The following ZFYVE1 variants were observed in gnomAD, a reference collection of about 807,000 sequenced individuals.
ZFYVE1 encodes zinc finger FYVE domain-containing protein 1.
ZFYVE1 carries 30 observed loss-of-function variants against 74.4 expected under a neutral mutation model. The observed-to-expected ratio is 0.40, with a 90% confidence interval of 0.30 to 0.55. The LOEUF is 0.55. Among genes scored for constraint, ZFYVE1 ranks in the 20% least tolerant of loss-of-function variants. The pLI, the probability that ZFYVE1 is intolerant of heterozygous loss-of-function variation, is 0.42. For synonymous variants in ZFYVE1, 335 were observed against 385.1 expected, an observed-to-expected ratio of 0.87 and a Z score of 1.52; for missense variants, 703 against 1,011.6, an observed-to-expected ratio of 0.69 and a Z score of 4.14.
chr14:72,977,080 T>G (rs1474838166), intron 8 of ZFYVE1, among the ~76,000 whole-genome samples: 3 of 152,218 alleles, frequency 2.0e-5, no homozygotes, highest in Non-Finnish European at 4.4e-5. Flanking sequence ...ACAAACAGAT[T>G]TGTATTTCTG....
chr14:73,020,469 C>CA (rs1186373318), intron 2 of ZFYVE1, among the ~76,000 whole-genome samples: 103 of 152,252 alleles, frequency 6.8e-4, no homozygotes, highest in South Asian at 1.2e-3. Context: ...TCTCCTGCCT[C>CA]AGCCTCCTGA....
At chr14:73,003,054 C>CTTTTTTT (rs201185010) in intron 2 of ZFYVE1, among the ~76,000 whole-genome samples, 203 of 102,866 alleles carry the variant, frequency 2.0e-3, no homozygotes, top group Non-Finnish European at 2.4e-3. Flanking sequence ...TTTTTCTTTT[C>CTTTTTTT]TTTTTTTTTT....
intron 2 of ZFYVE1, among the ~76,000 whole-genome samples, chr14:73,023,168 ATATAT>A (rs1214897053): frequency 0.012 from 1,482 of 121,798 alleles, 153 homozygotes; most frequent in African/African-American, 0.035. Flanking sequence ...CTCAAAAAAT[ATATAT>A]ATATATATAT....
At chr14:73,023,936 A>T in intron 2 of ZFYVE1, 90 bp downstream of exon 2, 1 of 1,511,686 alleles carries the variant, frequency 6.6e-7, no homozygotes, top group East Asian at 2.3e-5. Context: ...TTAAAATGTG[A>T]TCTCTTCTTG....
chr14:73,020,552 C>A (rs144030107), intron 2 of ZFYVE1, among the ~76,000 whole-genome samples: 3,174 of 152,224 alleles, frequency 0.021, 95 homozygotes, highest in African/African-American at 0.07. Context: ...TGGAGTTTCA[C>A]CATGTTGGCC....
chr14:73,015,655 A>AT (rs1894187958), intron 2 of ZFYVE1, among the ~76,000 whole-genome samples: 1 of 152,152 alleles, frequency 6.6e-6, no homozygotes, highest in South Asian at 2.1e-4. Context: ...AAGCGCTGGG[A>AT]TTACAGGCGT....
At chr14:72,972,087 T>G (rs1024649046) in intron 11 of ZFYVE1, among the ~76,000 whole-genome samples, 16 of 151,950 alleles carry the variant, frequency 1.1e-4, no homozygotes, top group African/African-American at 3.9e-4. Context: ...CCGGGCGTGG[T>G]GGTATAACCC....
intron 2 of ZFYVE1, among the ~76,000 whole-genome samples, chr14:73,023,185 T>TGTTTTATATATA (rs1894355954): frequency 7.2e-6 from 1 of 138,274 alleles, no homozygotes; most frequent in African/African-American, 2.7e-5. Flanking sequence ...TATATATATA[T>TGTTTTATATATA]ATATATATTT....
chr14:72,993,009 C>T (rs1051956481), intron 4 of ZFYVE1, 134 bp downstream of exon 4: 18 of 823,126 alleles, frequency 2.2e-5, no homozygotes, highest in Non-Finnish European at 3.3e-5. Context: ...GGACTCCATT[C>T]ATGTGCTTCC....
At chr14:72,981,932 GTAGAGAGCTCCGCAC>G (rs72359146) in intron 4 of ZFYVE1, 37 bp from the exon 5 acceptor site, 39,695 of 1,597,140 alleles carry the variant, frequency 0.025, 611 homozygotes, top group Non-Finnish European at 0.027. Context: ...ATGGCACTCA[GTAGAGAGCTCCGCAC>G]TTTGGCCCCC....
In ZFYVE1 at chr14:72,975,960, GA is replaced by G. The variant is rs1424540509; in HGVS notation, c.1636-240del. 2.2e-6 allele frequency: 1 copy of G among 451,518 alleles called. No homozygotes were observed. Among genetic ancestry groups the G allele is most frequent in the African/African-American group, 2.0e-5 (1 of 50,462 alleles). 28.0% of individuals were successfully genotyped at this position (451,518 alleles called of 1,614,324 possible). A position where few individuals can be genotyped will look rare whatever the true frequency, so the allele number is the denominator to read the frequency against. ...ACTAAGCCCATATAATACAGGAGAT[GA>G]CACCTCCTCCAGGGGGCCCCGCACC... On this transcript the variant is annotated intron_variant, in intron 8 of 11. Coordinates refer to ENST00000556143, the MANE Select transcript of ZFYVE1 (RefSeq NM_021260.4). The surrounding 1 kb of genome is among the most constrained non-coding windows in gnomAD (Gnocchi z 4.1).
chr14:72,981,831 G>A lies in ZFYVE1; in HGVS notation c.1268C>T (p.Pro423Leu). 1 of 1,614,072 alleles carries A rather than the reference G, an allele frequency of 6.2e-7. No individual in the cohort carries two copies. Among genetic ancestry groups the A allele is most frequent in the Non-Finnish European group, 8.5e-7 (1 of 1,180,016 alleles). ...DDQMAHSSFF[P>L]DEYFTCSSLC... is the part of the protein sequence containing the mutation. ...GGAGGAGCAGGTGAAATACTCATCT[G>A]GAAAAAAGGAGCTGTGCGCCATCTG... The change falls in exon 5 of 12, where the codon CCA becomes CTA. Residue 423 changes from proline to leucine, a missense_variant. Physicochemically the swap from Pro to Leu is moderately conservative, Grantham distance 98. Transcript: ENST00000556143.
Position 72,997,818 on chromosome 14 carries a change from C to T in ZFYVE1, c.981G>A (p.Leu327=). Residue 327 remains leucine (L), a synonymous_variant, in exon 3 of 12, where the codon CTG becomes CTA. Transcript: ENST00000556143. The part of the protein sequence containing the change: ...IFHETVHTQL[L]GSDHPSEVPE... ...CTGTACCCCATCTCTCACCAGAGCC[C>T]AGTAGCTGGGTGTGCACGGTCTCAT... is the stretch of plus-strand genomic sequence containing the variant. 6.3e-7 allele frequency: 1 copy of T among 1,587,834 alleles called. No individual in the cohort carries two copies. Among genetic ancestry groups the T allele is most frequent in the Non-Finnish European group, 8.6e-7 (1 of 1,160,954 alleles).
At chr14:73,007,004 C>G (rs143620617) in intron 2 of ZFYVE1, among the ~76,000 whole-genome samples, 1 of 152,000 alleles carries the variant, frequency 6.6e-6, no homozygotes, top group African/African-American at 2.4e-5. Context: ...TAAGCCACTG[C>G]GCCCAGCCCC....
chr14:73,003,588 T>C lies in ZFYVE1; in HGVS notation c.484-5273A>G, dbSNP rs961253558. On this transcript the variant is annotated intron_variant, in intron 2 of 11. Coordinates refer to ENST00000556143, the MANE Select transcript of ZFYVE1 (RefSeq NM_021260.4). ...AGCTGGGCGTAGTGGTTCACGCCTATAGTCCTAGCTACTCAGGAGGCTGGG... is the reference window on the plus strand; with the variant it reads ...AGCTGGGCGTAGTGGTTCACGCCTACAGTCCTAGCTACTCAGGAGGCTGGG... Among the ~76,000 whole-genome samples the C allele has an allele frequency of 1.1e-4, 17 of 152,060 alleles. 2 individuals carry two copies. Among genetic ancestry groups the C allele is most frequent in the African/African-American group, 4.1e-4 (17 of 41,402 alleles).
chr14:73,025,715 A>T (rs1894445706), intron 1 of ZFYVE1, among the ~76,000 whole-genome samples: 1 of 150,936 alleles, frequency 6.6e-6, no homozygotes, highest in East Asian at 1.9e-4. Flanking sequence ...AAAAAAAAAA[A>T]ATCTCAAAAT....
Position 73,024,286 on chromosome 14 carries a change from T to C in ZFYVE1, c.223A>G (p.Lys75Glu). Residue 75 changes from lysine to glutamate, a missense_variant, in exon 2 of 12, where the codon AAG (lysine) becomes GAG (glutamate). By Grantham distance (56) the Lys-to-Glu change is moderately conservative. Coordinates refer to ENST00000556143, the MANE Select transcript of ZFYVE1 (RefSeq NM_021260.4). ...PGHVPYCDLC[K>E]GLSGHLPGVR... Reference sequence around the variant, plus strand: ...CCTGGTAAATGCCCACTGAGACCCTTGCAGAGGTCACAGTAAGGGACATGG... The same window carrying C: ...CCTGGTAAATGCCCACTGAGACCCTCGCAGAGGTCACAGTAAGGGACATGG... 6.2e-7 allele frequency: 1 copy of C among 1,614,098 alleles called. No individual in the cohort carries two copies. The highest frequency in any genetic ancestry group is 1.1e-5 in the South Asian group (1 of 91,068).
chr14:73,023,165 A>AAAAAATAT (rs1273528237), intron 2 of ZFYVE1, among the ~76,000 whole-genome samples: 1 of 946 alleles, frequency 1.1e-3, no homozygotes, highest in African/African-American at 1.9e-3. Flanking sequence ...CATCTCAAAA[A>AAAAAATAT]ATATATATAT....
chr14:72,995,513 G>T (rs2806024), intron 3 of ZFYVE1, among the ~76,000 whole-genome samples: 116,503 of 152,132 alleles, frequency 0.77, 45,135 homozygotes, highest in African/African-American at 0.82. Flanking sequence ...ACTATAGGCA[G>T]AAGTCATCGT....
Sources: allele counts gnomAD v4.1 joint callset (sites outside exome capture counted in the v4.1 genomes callset), GRCh38; gene constraint gnomAD v4.1.1; non-coding constraint Gnocchi (gnomAD v3.1); transcripts MANE v1.5; gene names NCBI Gene and HGNC (gene_info 2026-07-23, HGNC 2026-07-21).